TRIM71: variants seen among roughly 807,000 people sequenced by gnomAD.
The protein encoded by TRIM71 is E3 ubiquitin-protein ligase TRIM71.
A neutral mutation model predicts 61.2 loss-of-function variants in TRIM71; 9 were observed. The ratio of observed to expected loss-of-function variants is 0.15; its 90% CI spans 0.09 to 0.26. TRIM71 has a LOEUF of 0.26. Ranked by LOEUF, TRIM71 falls within the 10% of genes least tolerant of loss-of-function variation. TRIM71 has a pLI of 1.00. For synonymous variants in TRIM71, 645 were observed against 553.2 expected, an observed-to-expected ratio of 1.17 and a Z score of -2.33; for missense variants, 998 against 1,238.7, an observed-to-expected ratio of 0.81 and a Z score of 2.92.
Position 32,818,610 on chromosome 3 carries a change from C to G in TRIM71, c.530C>G (p.Ser177Cys). Residue 177 changes from serine to cysteine, a missense_variant, in exon 1 of 4, where the codon TCC (serine) becomes TGC (cysteine). By Grantham distance (112) the Ser-to-Cys change is moderately radical (BLOSUM62 -1). This residue lies in a region of TRIM71 where 527 missense variants were observed against 427.8 expected (regional missense o/e 1.23). Coordinates refer to ENST00000383763, the MANE Select transcript of TRIM71 (RefSeq NM_001039111.3). The part of the protein sequence containing the change: ...LPQAPQPPAP[S>C]RSAPGGPAAS... ...CAGGCGCCGCAGCCGCCCGCGCCTT[C>G]CCGCTCGGCACCCGGCGGCCCTGCC... 7.2e-7 allele frequency: 1 copy of G among 1,395,674 alleles called. No individual in the cohort carries two copies. The highest frequency in any genetic ancestry group is 9.2e-7 in the Non-Finnish European group (1 of 1,082,622). 86.5% of individuals were successfully genotyped at this position (1,395,674 alleles called of 1,614,324 possible).
At chr3:32,887,481 CTTTT>C (rs10615630) in intron 3 of TRIM71, among the ~76,000 whole-genome samples, 292 of 109,998 alleles carry the variant, frequency 2.7e-3, no homozygotes, top group African/African-American at 9.8e-3. Flanking sequence ...TAATTACTGA[CTTTT>C]TTTTTTTTTT....
chr3:32,855,718 A>G (rs940358369), intron 1 of TRIM71, among the ~76,000 whole-genome samples: 2 of 152,096 alleles, frequency 1.3e-5, no homozygotes, highest in African/African-American at 4.8e-5. Context: ...GCTGAGAGAG[A>G]GGAGGAAGGA....
chr3:32,883,328 T>C (rs1696928922), intron 2 of TRIM71, among the ~76,000 whole-genome samples: 1 of 152,250 alleles, frequency 6.6e-6, no homozygotes, highest in Non-Finnish European at 1.5e-5. Context: ...TTGTAACAAT[T>C]TACCATAAAC....
At chr3:32,822,531 T>C (rs1696146676) in intron 1 of TRIM71, among the ~76,000 whole-genome samples, 1 of 152,216 alleles carries the variant, frequency 6.6e-6, no homozygotes, top group South Asian at 2.1e-4. Context: ...GAATTTGTTT[T>C]GTATATTTTA....
Position 32,893,982 on chromosome 3 carries a change from T to C in TRIM71, c.*2171T>C, listed in dbSNP as rs1697053714. Reference sequence around the variant, plus strand: ...TACAGGGTGGGAAGGTGTTAGGAAATGTTGTTTGTTAGAAGCTCCTTTTAC... The same window carrying C: ...TACAGGGTGGGAAGGTGTTAGGAAACGTTGTTTGTTAGAAGCTCCTTTTAC... On this transcript the variant is annotated 3_prime_UTR_variant, in exon 4 of 4. Transcript: ENST00000383763. 6.6e-6 allele frequency: 1 copy of C among 152,204 alleles called. No homozygotes were observed. Among genetic ancestry groups the C allele is most frequent in the Non-Finnish European group, 1.5e-5 (1 of 68,042 alleles). The allele number at this position is 152,204 out of a possible 1,614,324, so 9.4% of individuals were successfully genotyped here.
In TRIM71 at chr3:32,894,410, T is replaced by G. The variant is rs1041397277; in HGVS notation, c.*2599T>G. On this transcript the variant is annotated 3_prime_UTR_variant, in exon 4 of 4. Coordinates refer to ENST00000383763, the MANE Select transcript of TRIM71 (RefSeq NM_001039111.3). ...TGGATGTGATCGAAAAGCCAAGATT[T>G]TCGCTCCATGGCTGAAATTATCAGG... is the stretch of plus-strand genomic sequence containing the variant. 8.5e-5 allele frequency: 13 copies of G among 152,204 alleles called. No homozygotes were observed. The highest frequency in any genetic ancestry group is 1.2e-4 in the Non-Finnish European group (8 of 68,028). The allele number at this position is 152,204 out of a possible 1,614,324, so 9.4% of individuals were successfully genotyped here.
chr3:32,822,697 C>G (rs1696155011), intron 1 of TRIM71, among the ~76,000 whole-genome samples: 1 of 152,056 alleles, frequency 6.6e-6, no homozygotes, highest in Non-Finnish European at 1.5e-5. Context: ...AAAATCCATA[C>G]CAAAATATTT....
chr3:32,864,533 G>A (rs1034794353), intron 1 of TRIM71, among the ~76,000 whole-genome samples: 2 of 152,330 alleles, frequency 1.3e-5, no homozygotes, highest in African/African-American at 2.4e-5. Flanking sequence ...TAGGGAGCTG[G>A]TGCCCGCTGG....
intron 2 of TRIM71, among the ~76,000 whole-genome samples, chr3:32,874,796 G>A (rs1302125192): frequency 1.3e-5 from 2 of 148,598 alleles, no homozygotes; most frequent in Non-Finnish European, 3.0e-5. Context: ...AGTACTGGGA[G>A]CTACTGAGCC....
rs1559548622 is a variant in TRIM71 at position 32,874,359 on chromosome 3, ACTACTACT to A, written c.1020+375_1020+382del. ...TACTACTACTACTACTACTACTACTACTACTACTACAACATATTTTTTGAGATGAGTCT... is the reference window on the plus strand; with the variant it reads ...TACTACTACTACTACTACTACTACTAACAACATATTTTTTGAGATGAGTCT... On this transcript the variant is annotated intron_variant, in intron 2 of 3. Coordinates refer to ENST00000383763, the MANE Select transcript of TRIM71 (RefSeq NM_001039111.3). Among the ~76,000 whole-genome samples the A allele has an allele frequency of 4.8e-4, 72 of 148,690 alleles. No individual in the cohort carries two copies. In the South Asian group the frequency reaches 5.5e-3, roughly 11 times the overall value.
chr3:32,860,012 T>A (rs1470350897), intron 1 of TRIM71, among the ~76,000 whole-genome samples: 12 of 152,038 alleles, frequency 7.9e-5, no homozygotes, highest in Non-Finnish European at 1.5e-4. Context: ...TGGGCCAGTT[T>A]CTTCTGGTTT....
chr3:32,881,943 A>T (rs1010333916), intron 2 of TRIM71, among the ~76,000 whole-genome samples: 7 of 152,206 alleles, frequency 4.6e-5, no homozygotes, highest in African/African-American at 1.7e-4. Context: ...ATGCTTGCTG[A>T]TTATTAAAAT....
chr3:32,880,602 A>G (rs1238006173), intron 2 of TRIM71, among the ~76,000 whole-genome samples: 1 of 152,204 alleles, frequency 6.6e-6, no homozygotes, highest in Non-Finnish European at 1.5e-5. Flanking sequence ...AAGAGAATCT[A>G]CCCTGGTGAG....
intron 1 of TRIM71, among the ~76,000 whole-genome samples, chr3:32,826,229 T>C (rs1398562013): frequency 6.6e-6 from 1 of 152,146 alleles, no homozygotes; most frequent in East Asian, 1.9e-4. Flanking sequence ...GAGGCTGACG[T>C]GGGCAGATCA....
intron 1 of TRIM71, among the ~76,000 whole-genome samples, chr3:32,822,809 C>G (rs905062283): frequency 6.6e-6 from 1 of 152,208 alleles, no homozygotes; most frequent in African/African-American, 2.4e-5. Context: ...ACTTTCCTAT[C>G]TTTTCCGTCT....
chr3:32,888,701 C>T (rs1055272086), intron 3 of TRIM71, among the ~76,000 whole-genome samples: 3 of 152,034 alleles, frequency 2.0e-5, no homozygotes, highest in African/African-American at 7.2e-5. Context: ...CCACCACGCT[C>T]GGCTAGTTTT....
At chr3:32,847,526 C>A (rs540809418) in intron 1 of TRIM71, among the ~76,000 whole-genome samples, 2 of 152,276 alleles carry the variant, frequency 1.3e-5, no homozygotes, top group South Asian at 2.1e-4. Flanking sequence ...TTCTGAGGAA[C>A]CTCTGTGCCC....
Position 32,873,894 on chromosome 3 carries a change from G to A in TRIM71, c.929G>A (p.Ser310Asn). 1 of 1,613,998 alleles carries A rather than the reference G, an allele frequency of 6.2e-7. No individual in the cohort carries two copies. Among genetic ancestry groups the A allele is most frequent in the African/African-American group, 1.3e-5 (1 of 75,042 alleles). ...ACAATGGGCCGGCATGGGGGCCACA[G>A]CTTCATCTACCTCCAGGAGGCACTG... ...ECTMGRHGGH[S>N]FIYLQEALQD... The change falls in exon 2 of 4, where the codon AGC (serine) becomes AAC (asparagine). Residue 310 changes from serine to asparagine, a missense_variant. Physicochemically the swap from Ser to Asn is conservative, Grantham distance 46. Transcript: ENST00000383763.
At chr3:32,852,763 A>AC (rs1243951699) in intron 1 of TRIM71, among the ~76,000 whole-genome samples, 2 of 139,254 alleles carry the variant, frequency 1.4e-5, no homozygotes, top group African/African-American at 5.8e-5. Context: ...GTCTTTTAAA[A>AC]AAAAAAAAAA....
Sources: gnomAD v4.1 joint callset for allele counts (sites outside exome capture counted in the v4.1 genomes callset) on GRCh38, gnomAD v4.1.1 for gene constraint, gnomAD v4.1.1 regional missense constraint, MANE v1.5 for transcripts, NCBI Gene and HGNC (gene_info 2026-07-23, HGNC 2026-07-21) for gene names.